LRMDA: variants seen among roughly 807,000 people sequenced by gnomAD.
LRMDA encodes leucine rich melanocyte differentiation associated.
Under a neutral mutation model 29.8 loss-of-function variants are expected in LRMDA, and 18 were observed. That is an observed-to-expected ratio of 0.60 (90% CI 0.42 to 0.90). The LOEUF (loss-of-function observed/expected upper bound fraction) is 0.90. Ranked by LOEUF, LRMDA falls within the 40% of genes least tolerant of loss-of-function variation. The pLI is 0.00. For synonymous variants in LRMDA, 125 were observed against 109.4 expected, an observed-to-expected ratio of 1.14 and a Z score of -0.89; for missense variants, 273 against 273.9, an observed-to-expected ratio of 1.00 and a Z score of 0.02.
intron 2 of LRMDA, among the ~76,000 whole-genome samples, chr10:75,518,282 A>G (rs934659494): frequency 1.3e-5 from 2 of 152,128 alleles, no homozygotes; most frequent in African/African-American, 4.8e-5. Flanking sequence ...GAATGGTACC[A>G]GCTCCTCTTT....
chr10:76,451,484 C>A (rs1022934703), intron 6 of LRMDA, among the ~76,000 whole-genome samples: 1 of 152,034 alleles, frequency 6.6e-6, no homozygotes, highest in African/African-American at 2.4e-5. Context: ...GGATTACAGG[C>A]GTGAGCCACT....
intron 2 of LRMDA, among the ~76,000 whole-genome samples, chr10:75,633,010 A>C (rs1841347155): frequency 6.6e-6 from 1 of 151,798 alleles, no homozygotes; most frequent in Admixed American, 6.6e-5. Flanking sequence ...AGATGTGGGG[A>C]GGGCTTGAGC....
intron 2 of LRMDA, among the ~76,000 whole-genome samples, chr10:75,982,902 C>T (rs955581051): frequency 2.6e-5 from 4 of 152,206 alleles, no homozygotes; most frequent in African/African-American, 9.6e-5. Context: ...TATCTTCCAG[C>T]CTTTCCAGCA....
chr10:75,533,085 A>G lies in LRMDA; in HGVS notation c.131+94591A>G, dbSNP rs61755883. ...ATAGCAAGTTGAAAAGAAAGGTACT[A>G]GGCTGGTAAATTTTGAAAAGCATAT... On this transcript the variant is annotated intron_variant, in intron 2 of 6. Transcript: ENST00000611255. Among the ~76,000 whole-genome samples the G allele has an allele frequency of 2.8e-3, 426 of 152,298 alleles. 6 individuals are homozygous for G. Among genetic ancestry groups the G allele is most frequent in the African/African-American group, 1.0e-2 (414 of 41,550 alleles).
At chr10:75,494,663 G>A (rs1014948046) in intron 2 of LRMDA, among the ~76,000 whole-genome samples, 1 of 151,918 alleles carries the variant, frequency 6.6e-6, no homozygotes, top group Non-Finnish European at 1.5e-5. Flanking sequence ...ACCACACCGG[G>A]CTAATTTTTG....
At chr10:75,450,796 C>T (rs977002673) in intron 2 of LRMDA, 2 of 152,222 alleles carry the variant, frequency 1.3e-5, no homozygotes, top group African/African-American at 4.8e-5. Context: ...TATTCGGGCT[C>T]GAATGTCACC....
At position 75,873,335 on chromosome 10, in the gene LRMDA, A is replaced by G. The variant is rs1256815394; in HGVS notation, c.132-162673A>G. 2.0e-5 allele frequency among the ~76,000 whole-genome samples: 3 copies of G among 152,234 alleles called. No homozygotes were observed. The East Asian group carries it at 5.8e-4, about 29-fold the overall frequency. On this transcript the variant is annotated intron_variant, in intron 2 of 6. Transcript: ENST00000611255. Reference sequence around the variant, plus strand: ...AATTCAGTCTGGAAAAACAGTACAAATGAAAGCTTAATTTGTATTTAATCT... The same window carrying G: ...AATTCAGTCTGGAAAAACAGTACAAGTGAAAGCTTAATTTGTATTTAATCT...
chr10:75,938,350 C>T (rs958639938), intron 2 of LRMDA, among the ~76,000 whole-genome samples: 3 of 152,138 alleles, frequency 2.0e-5, no homozygotes, highest in East Asian at 1.9e-4. Flanking sequence ...AGAGAGGAGC[C>T]GATAAAGAAC....
At chr10:76,060,774 G>C (rs1848690639) in intron 5 of LRMDA, among the ~76,000 whole-genome samples, 1 of 152,194 alleles carries the variant, frequency 6.6e-6, no homozygotes, top group African/African-American at 2.4e-5. Flanking sequence ...TTAAAATCCA[G>C]CATTAGTTGT....
intron 2 of LRMDA, among the ~76,000 whole-genome samples, chr10:75,897,908 C>T (rs1482358068): frequency 1.0e-4 from 15 of 146,006 alleles, no homozygotes; most frequent in Admixed American, 7.9e-4. Context: ...CTGCAACCTC[C>T]ACCTCCCAGG....
At chr10:76,092,328 C>G (rs1760432723) in intron 5 of LRMDA, among the ~76,000 whole-genome samples, 1 of 152,190 alleles carries the variant, frequency 6.6e-6, no homozygotes, top group South Asian at 2.1e-4. Context: ...GCACAGCTTT[C>G]CGGTGCTTAG....
At chr10:76,128,623 C>A (rs1482883659) in intron 5 of LRMDA, among the ~76,000 whole-genome samples, 12 of 152,154 alleles carry the variant, frequency 7.9e-5, no homozygotes, top group Non-Finnish European at 1.5e-5. Context: ...TTATGATCCC[C>A]AGTGTGAAAA....
chr10:76,114,605 G>A (rs1849635696), intron 5 of LRMDA, among the ~76,000 whole-genome samples: 1 of 152,154 alleles, frequency 6.6e-6, no homozygotes, highest in African/African-American at 2.4e-5. Flanking sequence ...TTGATAGGTC[G>A]AGTTTACATA....
intron 5 of LRMDA, among the ~76,000 whole-genome samples, chr10:76,153,602 A>G (rs1185899981): frequency 1.3e-5 from 2 of 152,200 alleles, no homozygotes; most frequent in Admixed American, 1.3e-4. Flanking sequence ...CAGGTTCTTG[A>G]TTTTAAAAGG....
In LRMDA at chr10:75,818,994, G is replaced by A. The variant is rs1355351611; in HGVS notation, c.132-217014G>A. Reference sequence around the variant, plus strand: ...TAAATGTTAGTTGAAACAAAGGGCTGTTTTGTTGGGTTTGTGTTTCCCTGT... The same window carrying A: ...TAAATGTTAGTTGAAACAAAGGGCTATTTTGTTGGGTTTGTGTTTCCCTGT... On this transcript the variant is annotated intron_variant, in intron 2 of 6. Coordinates refer to ENST00000611255, the MANE Select transcript of LRMDA (RefSeq NM_001305581.2). Among the ~76,000 whole-genome samples the A allele has an allele frequency of 2.6e-5, 4 of 152,314 alleles. No individual in the cohort carries two copies. The East Asian group carries it at 7.7e-4, about 29-fold the overall frequency.
At chr10:76,479,469 T>TG (rs1489512902) in intron 6 of LRMDA, among the ~76,000 whole-genome samples, 1 of 151,852 alleles carries the variant, frequency 6.6e-6, no homozygotes, top group African/African-American at 2.4e-5. Context: ...ATTTTCATTT[T>TG]GGGGGGTCCT....
At chr10:76,143,999 T>C (rs1028262495) in intron 5 of LRMDA, among the ~76,000 whole-genome samples, 4 of 152,204 alleles carry the variant, frequency 2.6e-5, no homozygotes, top group Admixed American at 2.6e-4. Context: ...ATCAGATAGT[T>C]GTAGACATGC....
At chr10:76,218,983 G>C (rs1851778157) in intron 5 of LRMDA, among the ~76,000 whole-genome samples, 1 of 152,182 alleles carries the variant, frequency 6.6e-6, no homozygotes, top group African/African-American at 2.4e-5. Context: ...CAAATACAAA[G>C]TGGTGCAGAC....
chr10:75,780,600 G>T (rs934848514), intron 2 of LRMDA, among the ~76,000 whole-genome samples: 1 of 152,174 alleles, frequency 6.6e-6, no homozygotes, highest in African/African-American at 2.4e-5. Flanking sequence ...AGAAATGCAA[G>T]AGGAGGGTCA....
Sources: allele counts gnomAD v4.1 joint callset (sites outside exome capture counted in the v4.1 genomes callset), GRCh38; gene constraint gnomAD v4.1.1; transcripts MANE v1.5; gene names NCBI Gene and HGNC (gene_info 2026-07-23, HGNC 2026-07-21).